FANCA: variants seen among roughly 807,000 people sequenced by gnomAD.
The protein encoded by FANCA is Fanconi anemia group A protein.
In FANCA, 236 loss-of-function variants were observed where a neutral mutation model predicts 194.3. That is an observed-to-expected ratio of 1.21 (90% CI 1.09 to 1.35). The LOEUF is 1.35. FANCA is among the 40% of genes most tolerant of loss of function. FANCA has a pLI of 0.00. For missense variants in FANCA, 2,628 were observed against 1,813.9 expected (o/e 1.45, Z -8.15); for synonymous variants, 1,014 against 715.8 (o/e 1.42, Z -6.65).
chr16:89,745,158 C>G lies in FANCA; in HGVS notation c.3514-87G>C. ...CAGCCATGACAAGCCCCCAGTGCTC[C>G]TACAGGCCACTACAGGCCCACACTC... On this transcript the variant is annotated intron_variant, in intron 35 of 42. Transcript: ENST00000389301. 4.4e-6 allele frequency: 5 copies of G among 1,149,178 alleles called. No individual in the cohort carries two copies. In the South Asian group the frequency reaches 6.6e-5, roughly 15 times the overall value. 71.2% of individuals were successfully genotyped at this position (1,149,178 alleles called of 1,614,324 possible).
intron 8 of FANCA, among the ~76,000 whole-genome samples, chr16:89,801,343 C>CAAAA (rs60802306): frequency 0.014 from 1,380 of 100,262 alleles, 27 homozygotes; most frequent in South Asian, 0.08. Flanking sequence ...GACTCTGTCT[C>CAAAA]AAAAAAAAAA....
chr16:89,744,665 G>GTTTTTTTTTTTTTT, intron 36 of FANCA: 2 of 369,368 alleles, frequency 5.4e-6, no homozygotes, highest in Non-Finnish European at 5.1e-6. Flanking sequence ...GGCAGAGGCT[G>GTTTTTTTTTTTTTT]TTTTTTTTTT....
intron 26 of FANCA, among the ~76,000 whole-genome samples, chr16:89,768,655 C>T (rs1289453107): frequency 6.7e-6 from 1 of 149,416 alleles, no homozygotes; most frequent in Non-Finnish European, 1.5e-5. Context: ...GACTCTGTCT[C>T]AAAACAAAAA....
At chr16:89,800,266 G>C (rs139068842) in intron 8 of FANCA, among the ~76,000 whole-genome samples, 4 of 152,332 alleles carry the variant, frequency 2.6e-5, no homozygotes, top group African/African-American at 9.6e-5. Context: ...TTTCACCCTT[G>C]ATGCCTCTGG....
intron 30 of FANCA, among the ~76,000 whole-genome samples, chr16:89,754,140 T>G (rs1287385424): frequency 6.6e-6 from 1 of 151,928 alleles, no homozygotes; most frequent in African/African-American, 2.4e-5. Flanking sequence ...GAGAATCGCT[T>G]GAACCTGAGA....
intron 14 of FANCA, chr16:89,791,021 GTGTTTTTTT>G (rs1160241818): frequency 2.2e-5 from 5 of 222,768 alleles, no homozygotes; most frequent in South Asian, 4.9e-5. Context: ...GTGTGTGTGT[GTGTTTTTTT>G]TTTTTTTTTT....
intron 30 of FANCA, among the ~76,000 whole-genome samples, chr16:89,754,662 C>A (rs1352418700): frequency 2.6e-5 from 4 of 152,196 alleles, no homozygotes; most frequent in African/African-American, 9.6e-5. Context: ...AGCCACCATG[C>A]CTGGCCAGAC....
In FANCA at chr16:89,814,606, C is replaced by T; in HGVS notation, c.197G>A (p.Gly66Asp). 1.2e-6 allele frequency: 2 copies of T among 1,612,534 alleles called. No individual in the cohort carries two copies. The highest frequency in any genetic ancestry group is 1.7e-5 in the Admixed American group (1 of 60,008). ...GAGAGACAATTTTTTACACAGTGGA[C>T]CTTCTACCTAGAATCCAAAACACAA... ...DLNALLLEVE[G>D]PLCKKLSLSK... The change falls in exon 3 of 43, where the codon GGT (glycine) becomes GAT (aspartate). Residue 66 changes from glycine (G) to aspartate (D), a missense_variant. By Grantham distance (94) the Gly-to-Asp change is moderately conservative. Transcript: ENST00000389301.
At chr16:89,806,294 G>A (rs1185358555) in intron 6 of FANCA, among the ~76,000 whole-genome samples, 1 of 149,870 alleles carries the variant, frequency 6.7e-6, no homozygotes, top group African/African-American at 2.5e-5. Flanking sequence ...TGGGTAGAGT[G>A]CTCCACAGTC....
intron 21 of FANCA, 53 bp from the exon 22 acceptor site, chr16:89,773,437 C>T (rs2039393298): frequency 5.4e-6 from 7 of 1,286,538 alleles, no homozygotes; most frequent in South Asian, 1.3e-5. Flanking sequence ...GGACTCTTCA[C>T]TGCAAAAATA....
chr16:89,787,966 C>T (rs747486073), intron 14 of FANCA, among the ~76,000 whole-genome samples: 26 of 151,876 alleles, frequency 1.7e-4, no homozygotes, highest in Admixed American at 3.3e-4. Context: ...CTGCGCGTTC[C>T]GGGTTCAAGG....
chr16:89,746,588 G>A lies in FANCA; in HGVS notation c.3509C>T (p.Ala1170Val). 2 of 1,613,630 alleles carry A rather than the reference G, an allele frequency of 1.2e-6. No individual in the cohort carries two copies. Among genetic ancestry groups the A allele is most frequent in the South Asian group, 1.1e-5 (1 of 91,050 alleles). Residue 1170 changes from alanine (A) to valine (V), a missense_variant, in exon 35 of 43, where the codon GCT becomes GTT. Physicochemically the swap from Ala to Val is moderately conservative, Grantham distance 64. Coordinates refer to ENST00000389301, the MANE Select transcript of FANCA (RefSeq NM_000135.4). ...QTKCPLILTS[A>V]LVWWPSLEPV... Reference sequence around the variant, plus strand: ...CAAACAAGACAGCTGACCCACCAGAGCAGAGGTCAAAATTAAGGGGCATTT... The same window carrying A: ...CAAACAAGACAGCTGACCCACCAGAACAGAGGTCAAAATTAAGGGGCATTT...
chr16:89,769,595 T>C, intron 26 of FANCA: 1 of 571,570 alleles, frequency 1.7e-6, no homozygotes, highest in Non-Finnish European at 3.1e-6. Flanking sequence ...ACAGTTACTA[T>C]CTACTATTAA....
chr16:89,740,919 T>C, intron 37 of FANCA, 53 bp from the exon 38 acceptor site: 1 of 1,479,934 alleles, frequency 6.8e-7, no homozygotes, highest in Non-Finnish European at 9.3e-7. Flanking sequence ...TGTGCTGTCA[T>C]TCTAAATAAG....
rs11356898 is a variant in FANCA at position 89,780,623 on chromosome 16, CAA to C, written c.1627-668_1627-667del. Among the ~76,000 whole-genome samples the C allele has an allele frequency of 5.7e-3, 796 of 139,912 alleles. 3 individuals carry two copies. Among genetic ancestry groups the C allele is most frequent in the Non-Finnish European group, 7.1e-3 (457 of 64,122 alleles). The allele number at this position is 139,912 out of a possible 152,430, so 91.8% of individuals were successfully genotyped here. On this transcript the variant is annotated intron_variant, in intron 17 of 42. Transcript: ENST00000389301. ...TGGGCAACAGGGGAAGTCCCTGCAT[CAA>C]AAAAAAAAAAAAACATTCTGAGGCC...
In FANCA at chr16:89,738,463, A is replaced by T. The variant is rs775549018; in HGVS notation, c.*138T>A. ...TGAGTGACTCGGGGCCGGACAGTTC[A>T]TAAATAATTGATTCCTTTCCCCACT... On this transcript the variant is annotated 3_prime_UTR_variant, in exon 43 of 43. Transcript: ENST00000389301. 4.0e-4 allele frequency: 583 copies of T among 1,448,430 alleles called. 1 individual carries two copies. The highest frequency in any genetic ancestry group is 1.4e-3 in the Middle Eastern group (6 of 4,158). The allele number at this position is 1,448,430 out of a possible 1,614,324, so 89.7% of individuals were successfully genotyped here.
intron 20 of FANCA, 39 bp from the exon 21 acceptor site, chr16:89,775,854 GC>G (rs768321413): frequency 1.0e-4 from 141 of 1,345,388 alleles, no homozygotes; most frequent in South Asian, 1.3e-4. Context: ...GTCAGCTATG[GC>G]TTAAATTAAT....
chr16:89,812,655 A>AAAAAAAAAAAAAAAAAAAC (rs2040936457), intron 3 of FANCA, among the ~76,000 whole-genome samples: 1 of 125,312 alleles, frequency 8.0e-6, no homozygotes, highest in Non-Finnish European at 1.6e-5. Context: ...TCAAAAAAAA[A>AAAAAAAAAAAAAAAAAAAC]AAAAAAAAAA....
intron 16 of FANCA, 42 bp downstream of exon 16, chr16:89,782,965 G>A (rs1425307226): frequency 6.2e-7 from 1 of 1,612,030 alleles, no homozygotes; most frequent in South Asian, 1.1e-5. Flanking sequence ...AGCAGTTTCT[G>A]CTGGGACAGG....
Sources: allele counts gnomAD v4.1 joint callset (sites outside exome capture counted in the v4.1 genomes callset), GRCh38; gene constraint gnomAD v4.1.1; transcripts MANE v1.5; gene names NCBI Gene and HGNC (gene_info 2026-07-23, HGNC 2026-07-21).